CFAP210: variants seen among roughly 807,000 people sequenced by gnomAD.
CFAP210 encodes cilia and flagella associated protein 210, also known as cilia- and flagella- associated protein 210.
chr2:169,692,444 G>GCGCACACACACA, the CFAP210 span, among the ~76,000 whole-genome samples: 72 of 143,788 alleles, frequency 5.0e-4, no homozygotes, highest in Middle Eastern at 3.5e-3. Flanking sequence ...ACAGGCGCAC[G>GCGCACACACACA]CACACACACA....
chr2:169,692,419 G>A, the CFAP210 span, among the ~76,000 whole-genome samples: 1 of 149,272 alleles, frequency 6.7e-6, no homozygotes, highest in Non-Finnish European at 1.5e-5. Context: ...ATGGCAAAAG[G>A]GCAAAGAGAG....
the CFAP210 span, among the ~76,000 whole-genome samples, chr2:169,669,320 C>T: frequency 1.3e-5 from 2 of 152,150 alleles, no homozygotes; most frequent in Admixed American, 1.3e-4. Context: ...GCGAAGTAGG[C>T]AGGCCAGATC....
the CFAP210 span, among the ~76,000 whole-genome samples, chr2:169,646,712 G>T: frequency 6.6e-6 from 1 of 152,162 alleles, no homozygotes; most frequent in Non-Finnish European, 1.5e-5. Flanking sequence ...ATCAATGTAG[G>T]TTGAGAAGGC....
chr2:169,674,250 A>T, the CFAP210 span, among the ~76,000 whole-genome samples: 1 of 152,196 alleles, frequency 6.6e-6, no homozygotes, highest in African/African-American at 2.4e-5. Flanking sequence ...CACAACAATA[A>T]GCAAACCCAG....
chr2:169,676,439 C>T, the CFAP210 span, among the ~76,000 whole-genome samples: 10 of 151,358 alleles, frequency 6.6e-5, no homozygotes, highest in African/African-American at 2.4e-4. Flanking sequence ...ATCAAGTTTT[C>T]TATATTATAA....
the CFAP210 span, among the ~76,000 whole-genome samples, chr2:169,648,998 A>G: frequency 6.6e-6 from 1 of 152,298 alleles, no homozygotes; most frequent in East Asian, 1.9e-4. Context: ...AAAAGATAAA[A>G]CTCACATGGG....
the CFAP210 span, among the ~76,000 whole-genome samples, chr2:169,675,555 T>C: frequency 6.6e-6 from 1 of 152,204 alleles, no homozygotes; most frequent in African/African-American, 2.4e-5. Flanking sequence ...CAGTCACTAT[T>C]TCGAGGACAG....
the CFAP210 span, chr2:169,661,168 G>T: frequency 1.7e-6 from 1 of 576,922 alleles, no homozygotes. Context: ...GCCTCCCAGT[G>T]GAACAAATGC....
At chr2:169,646,111 A>G in the CFAP210 span, 2 of 1,613,950 alleles carry the variant, frequency 1.2e-6, no homozygotes, top group Admixed American at 3.3e-5. Flanking sequence ...TTTCAGCCAC[A>G]AGAGCTTCAG....
At chr2:169,654,191 AAT>A in the CFAP210 span, 3 of 1,590,020 alleles carry the variant, frequency 1.9e-6, no homozygotes, top group Admixed American at 3.6e-5. Flanking sequence ...CAGCTTTGAT[AAT>A]ATGTTTATCC....
the CFAP210 span, chr2:169,650,412 C>T: frequency 6.2e-7 from 1 of 1,606,324 alleles, no homozygotes; most frequent in Admixed American, 1.7e-5. Context: ...TCCCATTCAG[C>T]CTCAGCTTCT....
the CFAP210 span, chr2:169,674,568 A>G: frequency 5.1e-6 from 8 of 1,581,712 alleles, no homozygotes; most frequent in South Asian, 1.2e-5. Context: ...TATTTTATGT[A>G]TACATACTGT....
At chr2:169,663,539 T>C in the CFAP210 span, among the ~76,000 whole-genome samples, 1 of 152,034 alleles carries the variant, frequency 6.6e-6, no homozygotes, top group Admixed American at 6.5e-5. Flanking sequence ...GAAAACATTT[T>C]TTACTGGAGT....
chr2:169,649,405 G>T, the CFAP210 span: 1 of 1,469,900 alleles, frequency 6.8e-7, no homozygotes, highest in Non-Finnish European at 9.3e-7. Context: ...AGTCTTGTCT[G>T]AAAAGGCACA....
the CFAP210 span, among the ~76,000 whole-genome samples, chr2:169,647,686 A>C: frequency 6.6e-6 from 1 of 152,232 alleles, no homozygotes; most frequent in Non-Finnish European, 1.5e-5. Flanking sequence ...TTGAAACAAC[A>C]AACTATTTTG....
the CFAP210 span, among the ~76,000 whole-genome samples, chr2:169,654,687 T>C: frequency 2.6e-5 from 4 of 152,144 alleles, no homozygotes; most frequent in Non-Finnish European, 5.9e-5. Context: ...AGGTAACTTT[T>C]ATATCTTCTT....
the CFAP210 span, among the ~76,000 whole-genome samples, chr2:169,656,979 AAAAAAAAAGAAC>A: frequency 7.5e-6 from 1 of 133,002 alleles, no homozygotes; most frequent in African/African-American, 2.9e-5. Context: ...AAAAAAAAAA[AAAAAAAAAGAAC>A]AGAGTAAAAA....
At chr2:169,660,762 T>A in the CFAP210 span, 1 of 236,988 alleles carries the variant, frequency 4.2e-6, no homozygotes, top group African/African-American at 2.3e-5. Flanking sequence ...CCACCCTGCC[T>A]GGCTATTTTT....
the CFAP210 span, chr2:169,645,552 C>G: frequency 7.2e-6 from 2 of 276,272 alleles, no homozygotes; most frequent in East Asian, 1.5e-4. Flanking sequence ...AGTAAGAGCA[C>G]TGAAAAATTC....
Sources: allele counts gnomAD v4.1 joint callset (sites outside exome capture counted in the v4.1 genomes callset), GRCh38; gene constraint gnomAD v4.1.1; transcripts MANE v1.5; gene names NCBI Gene and HGNC (gene_info 2026-07-23, HGNC 2026-07-21).